RIN3: variants seen among roughly 807,000 people sequenced by gnomAD.
The protein encoded by RIN3 is RAB5 interacting protein 3.
A neutral mutation model predicts 76.3 loss-of-function variants in RIN3; 54 were observed. The ratio of observed to expected loss-of-function variants is 0.71; its 90% CI spans 0.57 to 0.89. The LOEUF is 0.89. RIN3 is among the 40% of genes least tolerant of loss of function. The probability of loss-of-function intolerance (pLI) is 0.00; values close to 1 mark genes in which losing one functional copy is unlikely to be tolerated. For missense variants in RIN3, 1,256 were observed against 1,322.1 expected (o/e 0.95, Z 0.78); for synonymous variants, 576 against 564.0 (o/e 1.02, Z -0.30).
At chr14:92,626,799 C>T (rs1344368825) in intron 4 of RIN3, among the ~76,000 whole-genome samples, 1 of 152,024 alleles carries the variant, frequency 6.6e-6, no homozygotes, top group Non-Finnish European at 1.5e-5. Context: ...GAGTTGGGAT[C>T]CCTCTGCCTA....
chr14:92,622,323 C>T (rs1316257253), intron 4 of RIN3, among the ~76,000 whole-genome samples: 1 of 152,238 alleles, frequency 6.6e-6, no homozygotes, highest in Non-Finnish European at 1.5e-5. Context: ...ACTGGCACCA[C>T]TTTGCATGTG....
chr14:92,653,404 T>C (rs1248714565), intron 6 of RIN3, among the ~76,000 whole-genome samples: 2 of 152,196 alleles, frequency 1.3e-5, no homozygotes, highest in Non-Finnish European at 2.9e-5. Flanking sequence ...CACTGTGTGG[T>C]GCAGTTTATG....
chr14:92,611,461 A>G (rs1194021845), intron 3 of RIN3, among the ~76,000 whole-genome samples: 2 of 151,926 alleles, frequency 1.3e-5, no homozygotes, highest in African/African-American at 4.8e-5. Context: ...AGGTTTGACC[A>G]TGTTGGCCAG....
chr14:92,678,485 CCACA>C (rs1376389826), intron 8 of RIN3, among the ~76,000 whole-genome samples: 1 of 123,440 alleles, frequency 8.1e-6, no homozygotes, highest in Non-Finnish European at 1.8e-5. Context: ...ACCCACCCAC[CCACA>C]TATTCACCAC....
In RIN3 at chr14:92,557,084, C is replaced by T. The variant is rs939792916; in HGVS notation, c.249+1129C>T. Among the ~76,000 whole-genome samples the T allele has an allele frequency of 3.3e-5, 5 of 152,328 alleles. No homozygotes were observed. The South Asian group carries it at 6.2e-4, about 19-fold the overall frequency. On this transcript the variant is annotated intron_variant, in intron 2 of 9. Transcript: ENST00000216487. ...TCTGCCTCCGAAGTCACGTTGCATG[C>T]GGTACGTCTGTCTGCACATTTTCCA...
At chr14:92,670,455 G>A (rs1358573828) in intron 7 of RIN3, among the ~76,000 whole-genome samples, 1 of 152,146 alleles carries the variant, frequency 6.6e-6, no homozygotes, top group African/African-American at 2.4e-5. Context: ...ACTTCCTGAG[G>A]CTCCGATGTG....
chr14:92,529,674 T>C (rs895971747), intron 1 of RIN3, among the ~76,000 whole-genome samples: 5 of 152,232 alleles, frequency 3.3e-5, no homozygotes, highest in Non-Finnish European at 5.9e-5. Context: ...GCTCCTGTGC[T>C]GCAAACAAGT....
chr14:92,644,536 T>C (rs1887128797), intron 5 of RIN3: 1 of 152,144 alleles, frequency 6.6e-6, no homozygotes, highest in South Asian at 2.1e-4. Flanking sequence ...AGGTTTCCAT[T>C]TGGGAAGCCA....
intron 7 of RIN3, among the ~76,000 whole-genome samples, chr14:92,668,484 T>G (rs1888184349): frequency 6.6e-6 from 1 of 152,186 alleles, no homozygotes; most frequent in Non-Finnish European, 1.5e-5. Context: ...AGTGTTTTCC[T>G]CAGGGACACA....
At chr14:92,537,339 A>C (rs991007899) in intron 1 of RIN3, among the ~76,000 whole-genome samples, 1 of 152,026 alleles carries the variant, frequency 6.6e-6, no homozygotes, top group Admixed American at 6.6e-5. Flanking sequence ...TATTCTCATG[A>C]TTCTTCTTAC....
intron 9 of RIN3, 153 bp from the exon 10 acceptor site, chr14:92,687,773 C>G (rs1888918340): frequency 3.0e-6 from 2 of 661,996 alleles, no homozygotes; most frequent in Admixed American, 3.7e-5. Flanking sequence ...CCCCCGCAGG[C>G]TCGCGGCAGA....
chr14:92,655,598 G>A (rs985026257), intron 6 of RIN3, among the ~76,000 whole-genome samples: 8 of 152,250 alleles, frequency 5.3e-5, no homozygotes, highest in East Asian at 3.8e-4. Flanking sequence ...CACTCTGGCC[G>A]TCACACCTAG....
intron 3 of RIN3, among the ~76,000 whole-genome samples, chr14:92,598,208 C>A (rs892862325): frequency 2.0e-5 from 3 of 152,110 alleles, no homozygotes; most frequent in African/African-American, 7.2e-5. Context: ...CTGGAGAGAC[C>A]ATGTGGAGAG....
chr14:92,563,573 T>C (rs575080772), intron 2 of RIN3, among the ~76,000 whole-genome samples: 95 of 152,286 alleles, frequency 6.2e-4, no homozygotes, highest in African/African-American at 2.2e-3. Context: ...CTGAGTCATA[T>C]GGCTACCAAG....
intron 4 of RIN3, among the ~76,000 whole-genome samples, chr14:92,639,030 C>T (rs922418959): frequency 2.6e-5 from 4 of 152,216 alleles, no homozygotes; most frequent in Non-Finnish European, 2.9e-5. Context: ...CCATCCCAGG[C>T]GGTCTCTGCT....
chr14:92,602,403 G>A lies in RIN3; in HGVS notation c.368-13004G>A, dbSNP rs140374251. Among the ~76,000 whole-genome samples, 120 of 152,328 alleles carry A rather than the reference G, an allele frequency of 7.9e-4. 1 individual carries two copies. Among genetic ancestry groups the A allele is most frequent in the African/African-American group, 2.8e-3 (118 of 41,580 alleles). On this transcript the variant is annotated intron_variant, in intron 3 of 9. Transcript: ENST00000216487. The stretch of plus-strand genomic sequence containing the variant: ...CACGCCGATTGCATTCCTGTAGGAG[G>A]CACTGGGACACCCTTCCTCCAGCCT...
chr14:92,589,308 A>T (rs1884896333), intron 3 of RIN3, among the ~76,000 whole-genome samples: 2 of 151,804 alleles, frequency 1.3e-5, no homozygotes, highest in South Asian at 4.2e-4. Flanking sequence ...CACTCCTCTC[A>T]GCTCATCAGA....
At chr14:92,561,562 A>G (rs977662170) in intron 2 of RIN3, among the ~76,000 whole-genome samples, 1 of 152,018 alleles carries the variant, frequency 6.6e-6, no homozygotes, top group African/African-American at 2.4e-5. Flanking sequence ...GGGAGTTCCC[A>G]TATACTCCAC....
At chr14:92,621,662 G>A (rs1886188795) in intron 4 of RIN3, among the ~76,000 whole-genome samples, 2 of 152,224 alleles carry the variant, frequency 1.3e-5, no homozygotes. Flanking sequence ...AAAAGATTGT[G>A]AAAAACCAAG....
Sources: gnomAD v4.1 joint callset for allele counts (sites outside exome capture counted in the v4.1 genomes callset) on GRCh38, gnomAD v4.1.1 for gene constraint, MANE v1.5 for transcripts, NCBI Gene and HGNC (gene_info 2026-07-23, HGNC 2026-07-21) for gene names.